Variants in CMTR1 observed in about 807,000 individuals in gnomAD.
CMTR1 encodes the protein cap methyltransferase 1.
A neutral mutation model predicts 107.0 loss-of-function variants in CMTR1; 39 were observed. That is an observed-to-expected ratio of 0.36 (90% CI 0.28 to 0.48). The LOEUF is 0.48. Among genes scored for constraint, CMTR1 ranks in the 20% least tolerant of loss-of-function variants. The pLI, the probability that CMTR1 is intolerant of heterozygous loss-of-function variation, is 0.99. For missense variants in CMTR1, 672 were observed against 1,064.9 expected, an observed-to-expected ratio of 0.63 and a Z score of 5.14; for synonymous variants, 366 against 379.5, an observed-to-expected ratio of 0.96 and a Z score of 0.41.
intron 2 of CMTR1, among the ~76,000 whole-genome samples, chr6:37,440,336 C>T (rs1300704057): frequency 6.6e-6 from 1 of 152,184 alleles, no homozygotes; most frequent in Non-Finnish European, 1.5e-5. Context: ...GTTCCTGCTG[C>T]AGCCGTGACA....
At position 37,481,357 on chromosome 6, in the gene CMTR1, T is replaced by A. The variant is rs1561795811; in HGVS notation, c.*1212T>A. 2.9e-5 allele frequency: 34 copies of A among 1,191,762 alleles called. No homozygotes were observed. Among genetic ancestry groups the A allele is most frequent in the Non-Finnish European group, 3.4e-5 (32 of 944,470 alleles). The allele number at this position is 1,191,762 out of a possible 1,614,324, so 73.8% of individuals were successfully genotyped here. ...CACTGAGGCTCCCGTGAGGTTGGAATCGACTTCACCATGGGGGTCCTTCAG... is the reference window on the plus strand; with the variant it reads ...CACTGAGGCTCCCGTGAGGTTGGAAACGACTTCACCATGGGGGTCCTTCAG... On this transcript the variant is annotated 3_prime_UTR_variant, in exon 24 of 24. Transcript: ENST00000373451.
In CMTR1 at chr6:37,470,901, ACT is replaced by A; in HGVS notation, c.1506-116_1506-115del. 5 of 714,394 alleles carry A rather than the reference ACT, an allele frequency of 7.0e-6. No homozygotes were observed. The South Asian group carries it at 1.1e-4, about 16-fold the overall frequency. 44.3% of individuals were successfully genotyped at this position (714,394 alleles called of 1,614,324 possible). A position where few individuals can be genotyped will look rare whatever the true frequency, so the allele number is the denominator to read the frequency against. On this transcript the variant is annotated intron_variant, in intron 13 of 23. Transcript: ENST00000373451. ...GGTAGGGGTGTGGGTTTCTTTCTCA[ACT>A]CTCCAGCTCCTTCACCAAATATAGA...
intron 11 of CMTR1, 132 bp from the exon 12 acceptor site, chr6:37,461,838 T>C: frequency 2.8e-6 from 3 of 1,074,580 alleles, no homozygotes; most frequent in Middle Eastern, 3.1e-4. Flanking sequence ...TTCTCCCCCT[T>C]AAATTGTCTC....
intron 1 of CMTR1, among the ~76,000 whole-genome samples, chr6:37,434,479 T>C (rs999406299): frequency 6.6e-6 from 1 of 152,192 alleles, no homozygotes; most frequent in South Asian, 2.1e-4. Context: ...ATTCACTACT[T>C]CTCTTGCTTG....
At chr6:37,474,228 T>C (rs1358448625) in intron 17 of CMTR1, among the ~76,000 whole-genome samples, 2 of 152,230 alleles carry the variant, frequency 1.3e-5, no homozygotes, top group Non-Finnish European at 1.5e-5. Flanking sequence ...CTTAGACATA[T>C]ACGAAACTGG....
At chr6:37,446,146 C>G in intron 3 of CMTR1, 145 bp from the exon 4 acceptor site, 1 of 892,686 alleles carries the variant, frequency 1.1e-6, no homozygotes, top group South Asian at 1.8e-5. Context: ...TTTATTTATG[C>G]TTCTTTTCTT....
chr6:37,459,996 A>G (rs1761368458), intron 10 of CMTR1, among the ~76,000 whole-genome samples: 1 of 152,196 alleles, frequency 6.6e-6, no homozygotes, highest in South Asian at 2.1e-4. Context: ...GGCAGCACAG[A>G]GGAATCCACA....
At position 37,453,153 on chromosome 6, in the gene CMTR1, T is replaced by C. The variant is rs781202700; in HGVS notation, c.704+12T>C. ...TTCTTTCTAAACAGGTTTGCTGACATTTCCCTCCCCTCCCCTGATGCTCCC... is the reference window on the plus strand; with the variant it reads ...TTCTTTCTAAACAGGTTTGCTGACACTTCCCTCCCCTCCCCTGATGCTCCC... On this transcript the variant is annotated intron_variant, in intron 7 of 23. Coordinates refer to ENST00000373451, the MANE Select transcript of CMTR1 (RefSeq NM_015050.3). 3.1e-6 allele frequency: 5 copies of C among 1,613,928 alleles called. No homozygotes were observed. The East Asian group carries it at 8.9e-5, about 29-fold the overall frequency.
At chr6:37,449,001 C>G (rs1221738358) in intron 4 of CMTR1, among the ~76,000 whole-genome samples, 4 of 152,158 alleles carry the variant, frequency 2.6e-5, no homozygotes, top group African/African-American at 7.2e-5. Context: ...AATGCAGTGG[C>G]ACAAACACAG....
intron 19 of CMTR1, 58 bp from the exon 20 acceptor site, chr6:37,476,068 A>T: frequency 6.5e-7 from 1 of 1,529,048 alleles, no homozygotes; most frequent in Non-Finnish European, 9.1e-7. Flanking sequence ...CCCTGGGGGT[A>T]GGGGTGCTGG....
intron 13 of CMTR1, among the ~76,000 whole-genome samples, chr6:37,464,187 C>T (rs777911219): frequency 1.1e-4 from 17 of 151,998 alleles, no homozygotes; most frequent in Non-Finnish European, 1.9e-4. Flanking sequence ...AAAATGTGGC[C>T]GGGCGTAGTG....
At chr6:37,460,114 C>T (rs1330748736) in intron 10 of CMTR1, among the ~76,000 whole-genome samples, 1 of 152,256 alleles carries the variant, frequency 6.6e-6, no homozygotes, top group Non-Finnish European at 1.5e-5. Flanking sequence ...TCAGCAGAAG[C>T]TCTCACCCAG....
At chr6:37,470,238 C>G (rs1403799644) in intron 13 of CMTR1, among the ~76,000 whole-genome samples, 1 of 151,868 alleles carries the variant, frequency 6.6e-6, no homozygotes, top group African/African-American at 2.4e-5. Context: ...GCTCCACCTC[C>G]TGGGTTCACG....
rs190386966 is a variant in CMTR1 at position 37,444,457 on chromosome 6, G to T, written c.285+307G>T. Among the ~76,000 whole-genome samples, 20 of 152,270 alleles carry T rather than the reference G, an allele frequency of 1.3e-4. No individual in the cohort carries two copies. The East Asian group carries it at 3.9e-3, about 29-fold the overall frequency. The stretch of plus-strand genomic sequence containing the variant: ...TATACTTCCCTAAACATGGATGTCT[G>T]TCAGTGGGTAAAGAAGCTTCATGCT... On this transcript the variant is annotated intron_variant, in intron 3 of 23. Coordinates refer to ENST00000373451, the MANE Select transcript of CMTR1 (RefSeq NM_015050.3).
rs148241055 is a variant in CMTR1, at chr6:37,470,898, T to C, written c.1506-123T>C. ...TGGGGTAGGGGTGTGGGTTTCTTTCTCAACTCTCCAGCTCCTTCACCAAAT... is the reference window on the plus strand; with the variant it reads ...TGGGGTAGGGGTGTGGGTTTCTTTCCCAACTCTCCAGCTCCTTCACCAAAT... On this transcript the variant is annotated intron_variant, in intron 13 of 23. Coordinates refer to ENST00000373451, the MANE Select transcript of CMTR1 (RefSeq NM_015050.3). 1.9e-3 allele frequency: 1,351 copies of C among 697,446 alleles called. 2 individuals are homozygous for C. Among genetic ancestry groups the C allele is most frequent in the Middle Eastern group, 3.2e-3 (9 of 2,778 alleles). 43.2% of individuals were successfully genotyped at this position (697,446 alleles called of 1,614,324 possible). A position where few individuals can be genotyped will look rare whatever the true frequency, so the allele number is the denominator to read the frequency against.
At chr6:37,451,900 A>AGATAAT in intron 6 of CMTR1, 23 bp downstream of exon 6, 1 of 1,594,778 alleles carries the variant, frequency 6.3e-7, no homozygotes, top group Non-Finnish European at 8.6e-7. Flanking sequence ...GGCTAGAACC[A>AGATAAT]GATAATGAAA....
chr6:37,432,773 C>T (rs1164475895), upstream of CMTR1, among the ~76,000 whole-genome samples: 4 of 152,182 alleles, frequency 2.6e-5, no homozygotes, highest in Admixed American at 1.3e-4. Flanking sequence ...CAACTGTGCC[C>T]ATATGGTAAG....
intron 14 of CMTR1, 114 bp downstream of exon 14, chr6:37,471,191 T>G: frequency 1.1e-6 from 1 of 889,110 alleles, no homozygotes; most frequent in Non-Finnish European, 1.7e-6. Flanking sequence ...CACCTGCTTT[T>G]TTCTCATACT....
chr6:37,474,868 G>A (rs1343918100), intron 18 of CMTR1, among the ~76,000 whole-genome samples: 1 of 152,328 alleles, frequency 6.6e-6, no homozygotes, highest in Middle Eastern at 3.4e-3. Context: ...AGGAGACCTC[G>A]ATTGTCTCTG....
Sources: allele counts gnomAD v4.1 joint callset (sites outside exome capture counted in the v4.1 genomes callset), GRCh38; gene constraint gnomAD v4.1.1; transcripts MANE v1.5; gene names NCBI Gene and HGNC (gene_info 2026-07-23, HGNC 2026-07-21).